CRACD: variants seen among roughly 807,000 people sequenced by gnomAD.
CRACD encodes capping protein-inhibiting regulator of actin dynamics.
A neutral mutation model predicts 106.8 loss-of-function variants in CRACD; 56 were observed. That is an observed-to-expected ratio of 0.52 (90% CI 0.42 to 0.66). CRACD has a LOEUF of 0.66. CRACD is among the 30% of genes least tolerant of loss of function. The pLI is 0.00. For synonymous variants in CRACD, 754 were observed against 670.8 expected (o/e 1.12, Z -1.92); for missense variants, 1,730 against 1,623.2 (o/e 1.07, Z -1.13).
intron 1 of CRACD, among the ~76,000 whole-genome samples, chr4:56,127,102 G>A (rs991721986): frequency 6.6e-6 from 1 of 152,132 alleles, no homozygotes; most frequent in African/African-American, 2.4e-5. Flanking sequence ...TTATGAAAGG[G>A]CTTGATGGAG....
At chr4:56,110,217 A>T (rs1245573607) in intron 1 of CRACD, among the ~76,000 whole-genome samples, 1 of 152,236 alleles carries the variant, frequency 6.6e-6, no homozygotes, top group Non-Finnish European at 1.5e-5. Context: ...AAAATGGAGC[A>T]GTGCCTTCAA....
At chr4:56,051,496 A>G (rs537776701) in intron 1 of CRACD, among the ~76,000 whole-genome samples, 41 of 152,260 alleles carry the variant, frequency 2.7e-4, no homozygotes, top group Admixed American at 7.2e-4. Context: ...GTTTCTCACA[A>G]TGGCCTGTGG....
intron 6 of CRACD, chr4:56,311,517 G>A (rs564858701): frequency 1.3e-5 from 2 of 152,176 alleles, no homozygotes; most frequent in East Asian, 1.9e-4. Flanking sequence ...ATCTATTAGG[G>A]GATGGAAACA....
intron 3 of CRACD, among the ~76,000 whole-genome samples, chr4:56,294,637 G>A (rs984439651): frequency 1.3e-5 from 2 of 152,176 alleles, no homozygotes; most frequent in Non-Finnish European, 2.9e-5. Flanking sequence ...GTAGAAGCCA[G>A]GTGTGGCGGC....
At chr4:56,270,859 A>G (rs945859635) in intron 2 of CRACD, among the ~76,000 whole-genome samples, 15 of 152,040 alleles carry the variant, frequency 9.9e-5, no homozygotes, top group Non-Finnish European at 2.1e-4. Flanking sequence ...AGGCGGACGG[A>G]TCATTTGAGG....
chr4:56,107,047 T>C (rs1031873314), intron 1 of CRACD, among the ~76,000 whole-genome samples: 2 of 152,308 alleles, frequency 1.3e-5, no homozygotes, highest in Non-Finnish European at 2.9e-5. Flanking sequence ...CATAGCTCAC[T>C]GCAGCCTCAA....
chr4:56,251,424 G>T (rs1391590357), intron 2 of CRACD, among the ~76,000 whole-genome samples: 1 of 152,218 alleles, frequency 6.6e-6, no homozygotes, highest in Non-Finnish European at 1.5e-5. Context: ...GACGTGTCTG[G>T]TGTGTGCAGA....
At chr4:56,119,943 T>C (rs1206898093) in intron 1 of CRACD, among the ~76,000 whole-genome samples, 2 of 152,230 alleles carry the variant, frequency 1.3e-5, no homozygotes, top group Admixed American at 6.5e-5. Context: ...CTCCTTTTTT[T>C]CCACCATCCC....
At chr4:56,216,706 C>T (rs1035634715) in intron 2 of CRACD, among the ~76,000 whole-genome samples, 4 of 152,118 alleles carry the variant, frequency 2.6e-5, no homozygotes, top group East Asian at 1.9e-4. Flanking sequence ...TCAGGCCGGG[C>T]GCGGTGGCTC....
chr4:56,317,523 G>T (rs918972330), intron 8 of CRACD, among the ~76,000 whole-genome samples: 1 of 152,158 alleles, frequency 6.6e-6, no homozygotes, highest in Non-Finnish European at 1.5e-5. Context: ...TAATCCCAAC[G>T]ACTGAAGATG....
intron 2 of CRACD, among the ~76,000 whole-genome samples, chr4:56,234,804 A>T (rs1739865287): frequency 6.6e-6 from 1 of 152,188 alleles, no homozygotes; most frequent in African/African-American, 2.4e-5. Context: ...ACAATTATAT[A>T]TGATGGGACT....
At chr4:56,211,850 C>T (rs12649651) in intron 2 of CRACD, among the ~76,000 whole-genome samples, 11,339 of 152,228 alleles carry the variant, frequency 0.074, 1,168 homozygotes, top group East Asian at 0.45. Flanking sequence ...AATGGGAAGA[C>T]AGGCTCTCAA....
chr4:56,274,218 C>A (rs550554976), intron 3 of CRACD, among the ~76,000 whole-genome samples: 10 of 152,280 alleles, frequency 6.6e-5, no homozygotes, highest in Non-Finnish European at 1.0e-4. Flanking sequence ...CAGTTTGAAT[C>A]CATTTTGATT....
At chr4:56,178,918 T>G (rs1281859989) in intron 1 of CRACD, among the ~76,000 whole-genome samples, 1 of 152,238 alleles carries the variant, frequency 6.6e-6, no homozygotes, top group Non-Finnish European at 1.5e-5. Context: ...TAATGATTAC[T>G]GCCTTCACGT....
At chr4:56,313,924 C>T in intron 7 of CRACD, 116 bp from the exon 8 acceptor site, 4 of 1,376,984 alleles carry the variant, frequency 2.9e-6, no homozygotes, top group Non-Finnish European at 3.0e-6. Flanking sequence ...CTTGAGAATA[C>T]CTGCTTCCAG....
At chr4:56,310,797 CCT>C in intron 6 of CRACD, 63 bp downstream of exon 6, 10 of 974,302 alleles carry the variant, frequency 1.0e-5, no homozygotes, top group South Asian at 5.7e-5. Context: ...CTTCCCCCCC[CCT>C]TTTTTTTTTT....
intron 2 of CRACD, among the ~76,000 whole-genome samples, chr4:56,198,380 A>G (rs980866074): frequency 3.9e-5 from 6 of 152,206 alleles, no homozygotes; most frequent in South Asian, 2.1e-4. Context: ...TCAGTGAAGA[A>G]GCAGACCCAT....
chr4:56,049,561 A>G (rs1312648476), intron 1 of CRACD, among the ~76,000 whole-genome samples: 1 of 151,960 alleles, frequency 6.6e-6, no homozygotes, highest in East Asian at 1.9e-4. Context: ...GCCGGGCTGC[A>G]CCCCGGGAAC....
At chr4:56,275,081 G>A (rs988449282) in intron 3 of CRACD, among the ~76,000 whole-genome samples, 4 of 152,196 alleles carry the variant, frequency 2.6e-5, no homozygotes, top group Admixed American at 6.5e-5. Flanking sequence ...GCTAAATGAT[G>A]AGAACTCATG....
Sources: allele counts gnomAD v4.1 joint callset (sites outside exome capture counted in the v4.1 genomes callset), GRCh38; gene constraint gnomAD v4.1.1; transcripts MANE v1.5; gene names NCBI Gene and HGNC (gene_info 2026-07-23, HGNC 2026-07-21).